Variants in FGF12 observed in about 807,000 individuals in gnomAD.
The protein encoded by FGF12 is fibroblast growth factor 12B.
In FGF12, 14 loss-of-function variants were observed where a neutral mutation model predicts 23.6. That is an observed-to-expected ratio of 0.59 (90% CI 0.39 to 0.93). FGF12 has a LOEUF of 0.93. Among genes scored for constraint, FGF12 ranks in the 40% least tolerant of loss-of-function variants. The probability of loss-of-function intolerance (pLI) is 0.00; values close to 1 mark genes in which losing one functional copy is unlikely to be tolerated. For synonymous variants in FGF12, 62 were observed against 77.3 expected, an observed-to-expected ratio of 0.80 and a Z score of 1.04; for missense variants, 175 against 217.8, an observed-to-expected ratio of 0.80 and a Z score of 1.24.
intron 4 of FGF12, among the ~76,000 whole-genome samples, chr3:192,315,618 T>C (rs916735382): frequency 6.6e-6 from 1 of 152,194 alleles, no homozygotes; most frequent in African/African-American, 2.4e-5. Context: ...CCAATACTTT[T>C]TTAGGATTTT....
At chr3:192,357,973 C>T (rs1409410021) in intron 3 of FGF12, among the ~76,000 whole-genome samples, 2 of 152,022 alleles carry the variant, frequency 1.3e-5, no homozygotes, top group Non-Finnish European at 2.9e-5. Flanking sequence ...TGTATACATT[C>T]ATACAGTGGG....
chr3:192,408,667 T>C lies in FGF12; in HGVS notation c.14-48129A>G, dbSNP rs1161588961. The C allele has an allele frequency of 2.0e-6, 2 of 1,010,240 alleles. No homozygotes were observed. The highest frequency in any genetic ancestry group is 1.7e-5 in the African/African-American group (1 of 57,736). 62.6% of individuals were successfully genotyped at this position (1,010,240 alleles called of 1,614,324 possible). A position where few individuals can be genotyped will look rare whatever the true frequency, so the allele number is the denominator to read the frequency against. The stretch of plus-strand genomic sequence containing the variant: ...CGCAAGCGTTGTAAGGTGTCCAAAG[T>C]ATACCTACACATACATACATAGAAA... On this transcript the variant is annotated intron_variant, in intron 2 of 5. Transcript: ENST00000445105. This position sits in a 1 kb window ranked among gnomAD's most constrained non-coding sequence, Gnocchi z 7.3.
chr3:192,688,861 G>A (rs985662531), intron 2 of FGF12, among the ~76,000 whole-genome samples: 15 of 151,954 alleles, frequency 9.9e-5, no homozygotes, highest in African/African-American at 2.2e-4. Flanking sequence ...GTGGACAAAC[G>A]GATAAATAAA....
chr3:192,300,780 G>A (rs897805942), intron 4 of FGF12, among the ~76,000 whole-genome samples: 1 of 152,060 alleles, frequency 6.6e-6, no homozygotes, highest in African/African-American at 2.4e-5. Context: ...CACTTGGGAG[G>A]CCAAGGGGGG....
At chr3:192,296,431 C>G (rs1715046171) in intron 4 of FGF12, among the ~76,000 whole-genome samples, 1 of 151,950 alleles carries the variant, frequency 6.6e-6, no homozygotes, top group Non-Finnish European at 1.5e-5. Context: ...GCCATGTTAC[C>G]CAGGCTGGTC....
intron 2 of FGF12, among the ~76,000 whole-genome samples, chr3:192,568,248 C>T (rs934326114): frequency 6.6e-6 from 1 of 152,184 alleles, no homozygotes; most frequent in Non-Finnish European, 1.5e-5. Flanking sequence ...CAAATAAGAT[C>T]ACATATACAG....
At chr3:192,271,326 T>C (rs1713423595) in intron 4 of FGF12, among the ~76,000 whole-genome samples, 1 of 152,172 alleles carries the variant, frequency 6.6e-6, no homozygotes. Flanking sequence ...AAACTTTTTC[T>C]GAGTCGACAT....
chr3:192,412,079 T>G (rs550259485), intron 2 of FGF12, among the ~76,000 whole-genome samples: 15 of 152,314 alleles, frequency 9.8e-5, no homozygotes, highest in African/African-American at 3.6e-4. Flanking sequence ...GAATCTGAAT[T>G]CTTCACAATT....
chr3:192,529,400 T>C (rs2108850193), intron 2 of FGF12, among the ~76,000 whole-genome samples: 1 of 152,332 alleles, frequency 6.6e-6, no homozygotes, highest in African/African-American at 2.4e-5. Flanking sequence ...CATATCATTA[T>C]CAGCATTTTG....
chr3:192,407,132 G>T (rs1343503914), intron 2 of FGF12, among the ~76,000 whole-genome samples: 3 of 152,134 alleles, frequency 2.0e-5, no homozygotes, highest in Non-Finnish European at 2.9e-5. Context: ...AAAACTTTGG[G>T]TATCCAATTT....
intron 2 of FGF12, among the ~76,000 whole-genome samples, chr3:192,626,541 C>T (rs1430810364): frequency 6.6e-6 from 1 of 152,058 alleles, no homozygotes; most frequent in Admixed American, 6.6e-5. Flanking sequence ...AATTAAATAT[C>T]GACAGGAATT....
intron 2 of FGF12, among the ~76,000 whole-genome samples, chr3:192,567,767 TTC>T (rs1299596103): frequency 3.7e-5 from 5 of 133,790 alleles, no homozygotes; most frequent in Admixed American, 7.5e-5. Flanking sequence ...CTTTCTTTCT[TTC>T]TTTCTTTCTT....
intron 4 of FGF12, among the ~76,000 whole-genome samples, chr3:192,254,905 G>A (rs1254198587): frequency 6.6e-6 from 1 of 151,960 alleles, no homozygotes; most frequent in Non-Finnish European, 1.5e-5. Context: ...TGGAACATTA[G>A]GTAACATTAT....
At chr3:192,194,812 A>G (rs1388168584) in intron 4 of FGF12, among the ~76,000 whole-genome samples, 1 of 152,204 alleles carries the variant, frequency 6.6e-6, no homozygotes, top group Non-Finnish European at 1.5e-5. Context: ...TCATTTTTAT[A>G]ACATATTTTT....
At chr3:192,690,295 A>G (rs1717900849) in intron 2 of FGF12, among the ~76,000 whole-genome samples, 3 of 152,004 alleles carry the variant, frequency 2.0e-5, no homozygotes, top group Non-Finnish European at 4.4e-5. Flanking sequence ...AGTTGCTTAT[A>G]GTGCCACTAT....
chr3:192,170,663 G>A lies in FGF12; in HGVS notation c.229-7C>T, dbSNP rs79608878. On this transcript the variant is annotated splice_region_variant and splice_polypyrimidine_tract_variant and intron_variant, in intron 4 of 5. Transcript: ENST00000445105. Reference sequence around the variant, plus strand: ...ATTCTGGAGTGAAAACATCCTGTAGGAAAAAAAAAAAAAGACACAAAAAAG... The same window carrying A: ...ATTCTGGAGTGAAAACATCCTGTAGAAAAAAAAAAAAAAGACACAAAAAAG... 0.051 allele frequency: 73,736 copies of A among 1,437,906 alleles called. 1,370 individuals are homozygous for A. Among genetic ancestry groups the A allele is most frequent in the Admixed American group, 0.065 (2,995 of 45,822 alleles). 89.1% of individuals were successfully genotyped at this position (1,437,906 alleles called of 1,614,324 possible). A position where few individuals can be genotyped will look rare whatever the true frequency, so the allele number is the denominator to read the frequency against.
chr3:192,675,412 TTA>T (rs778101809), intron 2 of FGF12, among the ~76,000 whole-genome samples: 2 of 152,178 alleles, frequency 1.3e-5, no homozygotes, highest in Non-Finnish European at 2.9e-5. Flanking sequence ...ATTCATTATT[TTA>T]TGATATAAGA....
intron 2 of FGF12, among the ~76,000 whole-genome samples, chr3:192,619,056 A>C (rs998114065): frequency 1.3e-5 from 2 of 152,072 alleles, no homozygotes; most frequent in African/African-American, 4.8e-5. Context: ...TTGCTAATTA[A>C]ATTAGCTAAT....
At chr3:192,473,046 T>G (rs929308977) in intron 2 of FGF12, among the ~76,000 whole-genome samples, 3 of 152,206 alleles carry the variant, frequency 2.0e-5, no homozygotes, top group African/African-American at 7.2e-5. Flanking sequence ...TTGAAAAAAC[T>G]TCTACAATTG....
Sources: gnomAD v4.1 joint callset for allele counts (sites outside exome capture counted in the v4.1 genomes callset) on GRCh38, gnomAD v4.1.1 for gene constraint, Gnocchi (gnomAD v3.1) non-coding constraint, MANE v1.5 for transcripts, NCBI Gene and HGNC (gene_info 2026-07-23, HGNC 2026-07-21) for gene names.